Variants in TIAM2 observed in about 807,000 individuals in gnomAD.
TIAM2 encodes the protein rho guanine nucleotide exchange factor TIAM2.
TIAM2 carries 80 observed loss-of-function variants against 152.9 expected under a neutral mutation model. The ratio of observed to expected loss-of-function variants is 0.52; its 90% CI spans 0.44 to 0.63. The LOEUF is 0.63. TIAM2 is among the 30% of genes least tolerant of loss of function. TIAM2 has a pLI of 0.00. For synonymous variants in TIAM2, 804 were observed against 838.0 expected (o/e 0.96, Z 0.70); for missense variants, 1,965 against 2,120.1 (o/e 0.93, Z 1.44).
intron 1 of TIAM2, among the ~76,000 whole-genome samples, chr6:155,007,211 C>G (rs941748065): frequency 6.6e-6 from 1 of 152,146 alleles, no homozygotes. Context: ...CTTTTCCCTG[C>G]ATGATGCCCC....
At position 155,214,181 on chromosome 6, in the gene TIAM2, T is replaced by A. The variant is rs540452969; in HGVS notation, c.3168+2874T>A. On this transcript the variant is annotated intron_variant, in intron 15 of 26. Transcript: ENST00000682666. This position sits in a 1 kb window ranked among gnomAD's most constrained non-coding sequence, Gnocchi z 5.4. ...TTCAGGATTGGGTGGGGCTTCCACATTCTCAGCTCCTGCTGGCTCCATGGA... is the reference window on the plus strand; with the variant it reads ...TTCAGGATTGGGTGGGGCTTCCACAATCTCAGCTCCTGCTGGCTCCATGGA... 6.6e-6 allele frequency among the ~76,000 whole-genome samples: 1 copy of A among 152,346 alleles called. No individual in the cohort carries two copies. Among genetic ancestry groups the A allele is most frequent in the East Asian group, 1.9e-4 (1 of 5,178 alleles).
rs35672714 is a variant in TIAM2 at position 155,153,621 on chromosome 6, C to CTTTTT, written c.2028+5303_2028+5307dup. 3.7e-4 allele frequency among the ~76,000 whole-genome samples: 39 copies of CTTTTT among 105,298 alleles called. 2 individuals are homozygous for CTTTTT. Among genetic ancestry groups the CTTTTT allele is most frequent in the Admixed American group, 5.0e-4 (4 of 7,974 alleles). The allele number at this position is 105,298 out of a possible 152,430, so 69.1% of individuals were successfully genotyped here. Reference sequence around the variant, plus strand: ...GCAGGTTGTAAAGGAGCTGTTTACGCTTTTTTTTTTTTTTTTTTTTGACAG... The same window carrying CTTTTT: ...GCAGGTTGTAAAGGAGCTGTTTACGCTTTTTTTTTTTTTTTTTTTTTTTTTGACAG... On this transcript the variant is annotated intron_variant, in intron 7 of 26. Transcript: ENST00000682666.
intron 1 of TIAM2, among the ~76,000 whole-genome samples, chr6:155,080,088 T>C (rs1337262965): frequency 3.3e-5 from 5 of 152,218 alleles, no homozygotes; most frequent in South Asian, 4.1e-4. Context: ...ACAAAATTCA[T>C]TGATGAATCA....
intron 9 of TIAM2, among the ~76,000 whole-genome samples, chr6:155,172,301 G>T (rs1479200655): frequency 2.0e-5 from 3 of 151,986 alleles, no homozygotes; most frequent in Non-Finnish European, 4.4e-5. Flanking sequence ...CCAGGGCTTT[G>T]GAACAAAGGA....
At chr6:155,179,283 A>G (rs1780834198) in intron 11 of TIAM2, 95 bp from the exon 12 acceptor site, 3 of 1,459,800 alleles carry the variant, frequency 2.1e-6, no homozygotes, top group Admixed American at 1.7e-5. Context: ...CGGTATCTTA[A>G]CAGCTTTCTT....
chr6:155,185,315 T>TG (rs1323466796), intron 14 of TIAM2, among the ~76,000 whole-genome samples: 1 of 151,488 alleles, frequency 6.6e-6, no homozygotes, highest in Non-Finnish European at 1.5e-5. Context: ...TTAATAGAGA[T>TG]GGGGTTTCAC....
intron 1 of TIAM2, among the ~76,000 whole-genome samples, chr6:154,998,486 G>A (rs1778258495): frequency 6.6e-6 from 1 of 152,248 alleles, no homozygotes; most frequent in South Asian, 2.1e-4. Context: ...AAGCTGAATT[G>A]GCTGCAAGAG....
At chr6:155,252,710 G>A (rs574718585) in intron 23 of TIAM2, among the ~76,000 whole-genome samples, 7 of 152,214 alleles carry the variant, frequency 4.6e-5, no homozygotes, top group Non-Finnish European at 2.9e-5. Flanking sequence ...TTTGGCTGCT[G>A]TTCTTGCTTT....
chr6:155,012,544 A>T (rs1250732904), intron 1 of TIAM2, among the ~76,000 whole-genome samples: 6 of 152,196 alleles, frequency 3.9e-5, no homozygotes, highest in South Asian at 2.1e-4. Context: ...TTTATTTTTT[A>T]AAATTTATTT....
At chr6:155,170,510 A>G (rs535515540) in intron 9 of TIAM2, among the ~76,000 whole-genome samples, 9 of 152,102 alleles carry the variant, frequency 5.9e-5, no homozygotes, top group Non-Finnish European at 1.5e-5. Context: ...CTGAGGTGGG[A>G]GGATTGCTTG....
chr6:155,096,450 C>T (rs1438960361), intron 2 of TIAM2, among the ~76,000 whole-genome samples: 1 of 152,158 alleles, frequency 6.6e-6, no homozygotes, highest in Admixed American at 6.5e-5. Flanking sequence ...GGTTTTATTT[C>T]TTCTATCAAA....
chr6:155,047,688 G>A (rs1026622546), intron 1 of TIAM2, among the ~76,000 whole-genome samples: 11 of 44,680 alleles, frequency 2.5e-4, no homozygotes, highest in South Asian at 5.7e-4. Context: ...GAGAGAGAGA[G>A]GAGAGAGAGA....
chr6:155,071,945 T>C (rs993711966), intron 1 of TIAM2, among the ~76,000 whole-genome samples: 1 of 151,478 alleles, frequency 6.6e-6, no homozygotes, highest in Non-Finnish European at 1.5e-5. Context: ...ATCTCTGTTA[T>C]GTGTTGTTAG....
chr6:155,159,056 T>C (rs1780197244), intron 7 of TIAM2, among the ~76,000 whole-genome samples: 2 of 152,216 alleles, frequency 1.3e-5, no homozygotes, highest in Admixed American at 1.3e-4. Context: ...TAAAAGATTG[T>C]CTTTTTTTCC....
At position 155,249,846 on chromosome 6, in the gene TIAM2, T is replaced by G. The variant is rs1487125476; in HGVS notation, c.3833-5T>G. 6 of 1,605,154 alleles carry G rather than the reference T, an allele frequency of 3.7e-6. No individual in the cohort carries two copies. The highest frequency in any genetic ancestry group is 5.1e-6 in the Non-Finnish European group (6 of 1,173,972). On this transcript the variant is annotated splice_region_variant and splice_polypyrimidine_tract_variant and intron_variant, in intron 20 of 26. Transcript: ENST00000682666. ...ATGAAATAAATATGATTTCATATCT[T>G]GCAGAAGCACTAAAGGCAATGGAGA...
chr6:155,067,535 T>A (rs528962702), intron 1 of TIAM2, among the ~76,000 whole-genome samples: 38 of 152,300 alleles, frequency 2.5e-4, no homozygotes, highest in Non-Finnish European at 4.3e-4. Flanking sequence ...TGGCTCTGAG[T>A]TCTTGCCCCT....
chr6:155,147,482 T>TTTTA (rs1271586569), intron 6 of TIAM2, among the ~76,000 whole-genome samples: 1 of 151,644 alleles, frequency 6.6e-6, no homozygotes, highest in Non-Finnish European at 1.5e-5. Context: ...AATTTTTGTG[T>TTTTA]TTTATTTATT....
chr6:155,148,252 T>G lies in TIAM2; in HGVS notation c.1946T>G (p.Met649Arg), dbSNP rs769014435. 3.7e-6 allele frequency: 6 copies of G among 1,612,612 alleles called. No individual in the cohort carries two copies. The African/African-American group carries it at 6.7e-5, about 18-fold the overall frequency. ...AAAAACCTGCTTCAGAAGATAGACA[T>G]GGACAGCAAGATGAAGAAGATGGCA... ...QTKNLLQKID[M>R]DSKMKKMAEL... is the part of the protein sequence containing the mutation. The change falls in exon 7 of 27, where the codon ATG becomes AGG. Residue 649 changes from methionine (M) to arginine (R), a missense_variant. Met to Arg is a moderately conservative substitution (Grantham distance 91). Transcript: ENST00000682666.
chr6:155,134,548 T>A lies in TIAM2; in HGVS notation c.1195-2629T>A, dbSNP rs552390110. Among the ~76,000 whole-genome samples, 12 of 152,272 alleles carry A rather than the reference T, an allele frequency of 7.9e-5. No homozygotes were observed. In the East Asian group the frequency reaches 2.3e-3, roughly 29 times the overall value. On this transcript the variant is annotated intron_variant, in intron 4 of 26. Coordinates refer to ENST00000682666, the MANE Select transcript of TIAM2 (RefSeq NM_012454.4). ...GTGCCTTTCTGTGGCAGAATTGGGC[T>A]TGTTTTGAAGCATATTCCGTCATGG...
Sources: gnomAD v4.1 joint callset for allele counts (sites outside exome capture counted in the v4.1 genomes callset) on GRCh38, gnomAD v4.1.1 for gene constraint, Gnocchi (gnomAD v3.1) non-coding constraint, MANE v1.5 for transcripts, NCBI Gene and HGNC (gene_info 2026-07-23, HGNC 2026-07-21) for gene names.